IL1RAPL2: variants seen among roughly 807,000 people sequenced by gnomAD.
The protein encoded by IL1RAPL2 is X-linked interleukin-1 receptor accessory protein-like 2.
In IL1RAPL2, 3 loss-of-function variants were observed where a neutral mutation model predicts 44.1. The observed-to-expected ratio is 0.07, with a 90% CI of 0.03 to 0.18. The LOEUF (loss-of-function observed/expected upper bound fraction) is 0.18, where lower values mean the gene tolerates loss of function less well. Among genes scored for constraint, IL1RAPL2 ranks in the 10% least tolerant of loss-of-function variants. The pLI is 1.00. For missense variants in IL1RAPL2, 391 were observed against 496.4 expected (o/e 0.79, Z 2.02); for synonymous variants, 181 against 178.8 (o/e 1.01, Z -0.10).
At chrX:105,650,664 G>A (rs1345584398) in intron 6 of IL1RAPL2, among the ~76,000 whole-genome samples, 1 of 111,915 alleles carries the variant, frequency 8.9e-6, no homozygotes. Flanking sequence ...TTGGGAAAAT[G>A]TTACTTTATC....
intron 2 of IL1RAPL2, among the ~76,000 whole-genome samples, chrX:104,796,041 G>T (rs1287623258): frequency 1.8e-5 from 2 of 112,132 alleles, no homozygotes; most frequent in South Asian, 3.7e-4. Context: ...TGAGAACAAG[G>T]CTAGTCCTTG....
chrX:104,737,051 T>C (rs1184898842), intron 2 of IL1RAPL2, among the ~76,000 whole-genome samples: 1 of 112,601 alleles, frequency 8.9e-6, no homozygotes, highest in Non-Finnish European at 1.9e-5. Flanking sequence ...ACAAGAATTC[T>C]TTAAGTTGAA....
intron 10 of IL1RAPL2, among the ~76,000 whole-genome samples, chrX:105,763,451 T>C (rs1432948867): frequency 9.0e-6 from 1 of 111,501 alleles, no homozygotes. Context: ...TACTTTTGTT[T>C]TCTGTGATGG....
chrX:105,220,047 C>G, intron 3 of IL1RAPL2: 1 of 1,211,767 alleles, frequency 8.3e-7, no homozygotes, highest in Non-Finnish European at 1.1e-6. Context: ...CCGTCTCCTG[C>G]TGCTCCCTGA....
chrX:105,481,857 A>T (rs1294160952), intron 5 of IL1RAPL2, among the ~76,000 whole-genome samples: 1 of 111,709 alleles, frequency 9.0e-6, no homozygotes, highest in East Asian at 2.8e-4. Context: ...GTGAAGATTA[A>T]ATCTTCCTTC....
chrX:104,899,505 G>T (rs1363370326), intron 2 of IL1RAPL2, among the ~76,000 whole-genome samples: 1 of 111,680 alleles, frequency 9.0e-6, no homozygotes, highest in Non-Finnish European at 1.9e-5. Flanking sequence ...GATTGTACTT[G>T]GTTCTTTCTG....
intron 2 of IL1RAPL2, among the ~76,000 whole-genome samples, chrX:104,884,561 C>A (rs1349481552): frequency 2.0e-5 from 2 of 98,038 alleles, no homozygotes; most frequent in Admixed American, 1.1e-4. Flanking sequence ...GACCCGCAAA[C>A]CCTGAAAAAG....
At chrX:104,986,971 A>G (rs1386946695) in intron 2 of IL1RAPL2, among the ~76,000 whole-genome samples, 2 of 112,450 alleles carry the variant, frequency 1.8e-5, no homozygotes, top group East Asian at 5.6e-4. Flanking sequence ...ATGACATGAA[A>G]TGCACATGCA....
At chrX:104,839,952 C>A (rs930875603) in intron 2 of IL1RAPL2, among the ~76,000 whole-genome samples, 1 of 111,594 alleles carries the variant, frequency 9.0e-6, no homozygotes, top group African/African-American at 3.3e-5. Context: ...ATTCTTCTCT[C>A]TTTTCTTCTT....
At chrX:105,054,400 G>T (rs2031967345) in intron 2 of IL1RAPL2, among the ~76,000 whole-genome samples, 1 of 111,369 alleles carries the variant, frequency 9.0e-6, no homozygotes, top group Non-Finnish European at 1.9e-5. Flanking sequence ...CTAGATCTGT[G>T]CTATCTGATA....
At chrX:104,744,810 G>A (rs760031447) in intron 2 of IL1RAPL2, among the ~76,000 whole-genome samples, 53 of 110,589 alleles carry the variant, frequency 4.8e-4, no homozygotes, top group Admixed American at 9.6e-5. Flanking sequence ...AAGTAGGCAA[G>A]TTATCAGTTA....
rs943368806 is a variant in IL1RAPL2 at position 105,767,743 on chromosome X, T to C, written c.*82T>C. On this transcript the variant is annotated 3_prime_UTR_variant, in exon 11 of 11. Coordinates refer to ENST00000372582, the MANE Select transcript of IL1RAPL2 (RefSeq NM_017416.2). ...CAAGCATAAAGTACACCTAATAACGTTGTGTTAAAAAAGTGTTTGAAGAAA... is the reference window on the plus strand; with the variant it reads ...CAAGCATAAAGTACACCTAATAACGCTGTGTTAAAAAAGTGTTTGAAGAAA... 3 of 713,948 alleles carry C rather than the reference T, an allele frequency of 4.2e-6. No individual in the cohort carries two copies. Among genetic ancestry groups the C allele is most frequent in the South Asian group, 2.9e-5 (1 of 34,016 alleles). The allele number at this position is 713,948 out of a possible 1,213,427, so 58.8% of individuals were successfully genotyped here. A position where few individuals can be genotyped will look rare whatever the true frequency, so the allele number is the denominator to read the frequency against.
At chrX:105,498,302 G>A (rs1017177132) in intron 6 of IL1RAPL2, among the ~76,000 whole-genome samples, 13 of 111,387 alleles carry the variant, frequency 1.2e-4, no homozygotes, top group Non-Finnish European at 2.5e-4. Context: ...ATAATAGTAC[G>A]GAAAAGAATA....
At position 105,250,664 on chromosome X, in the gene IL1RAPL2, C is replaced by T. The variant is rs182886854; in HGVS notation, c.543+16660C>T. ...GGAAGATACCAAAGAATAAAAGATA[C>T]GCTTTTCTGAAAATGTATAAGTAAT... On this transcript the variant is annotated intron_variant, in intron 4 of 10. Transcript: ENST00000372582. Among the ~76,000 whole-genome samples the T allele has an allele frequency of 3.6e-4, 40 of 110,894 alleles. No individual in the cohort carries two copies. The South Asian group carries it at 7.8e-3, about 22-fold the overall frequency.
chrX:105,563,840 G>A (rs2036956308), intron 6 of IL1RAPL2, among the ~76,000 whole-genome samples: 1 of 111,904 alleles, frequency 8.9e-6, no homozygotes, highest in Non-Finnish European at 1.9e-5. Flanking sequence ...TAGGTTCAGA[G>A]GGCCAGAGGA....
At chrX:105,367,536 C>T (rs1171873146) in intron 5 of IL1RAPL2, among the ~76,000 whole-genome samples, 5 of 111,163 alleles carry the variant, frequency 4.5e-5, no homozygotes, top group Admixed American at 9.6e-5. Context: ...TTATGGCTAA[C>T]ATGGGGCTTA....
In IL1RAPL2 at chrX:105,757,544, G is replaced by A. The variant is rs192615799; in HGVS notation, c.1363+2197G>A. ...TGTTTATTGATTTTGTTTGAAAAAT[G>A]TCGTCAGGATGGGCAGAGATTTTAT... On this transcript the variant is annotated intron_variant, in intron 10 of 10. Coordinates refer to ENST00000372582, the MANE Select transcript of IL1RAPL2 (RefSeq NM_017416.2). 1.3e-4 allele frequency among the ~76,000 whole-genome samples: 14 copies of A among 111,669 alleles called. No homozygotes were observed. The Admixed American group carries it at 1.3e-3, about 11-fold the overall frequency.
At chrX:104,575,524 G>A (rs1008387122) in intron 1 of IL1RAPL2, among the ~76,000 whole-genome samples, 2 of 111,497 alleles carry the variant, frequency 1.8e-5, no homozygotes, top group Middle Eastern at 4.7e-3. Flanking sequence ...GGACCATGTA[G>A]TGTAATTTTC....
chrX:105,604,252 AACCATTAGCTAG>A (rs1252261233), intron 6 of IL1RAPL2, among the ~76,000 whole-genome samples: 3 of 111,596 alleles, frequency 2.7e-5, no homozygotes, highest in Non-Finnish European at 5.7e-5. Flanking sequence ...AAAATCAACA[AACCATTAGCTAG>A]ACTAAGAAAA....
Sources: gnomAD v4.1 joint callset for allele counts (sites outside exome capture counted in the v4.1 genomes callset) on GRCh38, gnomAD v4.1.1 for gene constraint, MANE v1.5 for transcripts, NCBI Gene and HGNC (gene_info 2026-07-23, HGNC 2026-07-21) for gene names.